Variants in ZBTB37 observed in about 807,000 individuals in gnomAD.
The protein encoded by ZBTB37 is zinc finger and BTB domain-containing protein 37.
ZBTB37 carries 15 observed loss-of-function variants against 37.7 expected under a neutral mutation model. The ratio of observed to expected loss-of-function variants is 0.40; its 90% CI spans 0.27 to 0.61. The LOEUF is 0.61. Among genes scored for constraint, ZBTB37 ranks in the 20% least tolerant of loss-of-function variants. ZBTB37 has a pLI of 0.44. For synonymous variants in ZBTB37, 231 were observed against 220.6 expected (o/e 1.05, Z -0.42); for missense variants, 514 against 641.9 (o/e 0.80, Z 2.15).
chr1:173,887,655 CT>C (rs750094411), downstream of ZBTB37: 4 of 152,162 alleles, frequency 2.6e-5, no homozygotes, highest in Non-Finnish European at 5.9e-5. Context: ...ATGCTTATAA[CT>C]TACAGTGCAA....
exon 4 of ZBTB37, chr1:173,894,126 T>G (rs924433936): frequency 6.6e-5 from 10 of 152,232 alleles, no homozygotes; most frequent in African/African-American, 2.2e-4. Flanking sequence ...GTGAATATTT[T>G]CAGTGGATAT....
chr1:173,873,316 G>A, intron 3 of ZBTB37, 151 bp from the exon 4 acceptor site: 1 of 675,688 alleles, frequency 1.5e-6, no homozygotes, highest in Non-Finnish European at 2.3e-6. Context: ...ATCAGATTAT[G>A]TATTAACTCC....
intron 4 of ZBTB37, among the ~76,000 whole-genome samples, chr1:173,877,739 A>G (rs1656063698): frequency 3.3e-5 from 5 of 152,144 alleles, no homozygotes. Context: ...ATAGGGTAAT[A>G]TATATGCCTT....
downstream of ZBTB37, chr1:173,890,930 G>C (rs371921687): frequency 6.6e-6 from 1 of 152,154 alleles, no homozygotes; most frequent in South Asian, 2.1e-4. Flanking sequence ...ACCTCCTAAA[G>C]TTGTTACTCA....
At chr1:173,873,366 C>T in intron 3 of ZBTB37, 101 bp from the exon 4 acceptor site, 2 of 1,246,822 alleles carry the variant, frequency 1.6e-6, no homozygotes, top group Non-Finnish European at 2.2e-6. Flanking sequence ...TGGTTTGTTC[C>T]CCCTTCCTCA....
exon 4 of ZBTB37, chr1:173,901,668 C>T (rs1265745725): frequency 6.6e-6 from 1 of 152,214 alleles, no homozygotes; most frequent in Non-Finnish European, 1.5e-5. Context: ...CCTAAAGTTA[C>T]AGGTGTGAGC....
In ZBTB37 at chr1:173,871,151, AGGTTT is replaced by A. The variant is rs760042560; in HGVS notation, c.923+19_923+23del. 6.3e-7 allele frequency: 1 copy of A among 1,586,228 alleles called. No individual in the cohort carries two copies. Among genetic ancestry groups the A allele is most frequent in the South Asian group, 1.1e-5 (1 of 88,216 alleles). On this transcript the variant is annotated splice_donor_5th_base_variant and intron_variant, in intron 3 of 4. Coordinates refer to ENST00000427304, the Ensembl canonical transcript of ZBTB37. ...CCAACAAGCAGTGAAGTTGACAGGTAGGTTTGGTTTGGTTTGGTTTTCCCATGTAA... is the reference window on the plus strand; with the variant it reads ...CCAACAAGCAGTGAAGTTGACAGGTAGGTTTGGTTTGGTTTTCCCATGTAA...
exon 4 of ZBTB37, chr1:173,896,185 A>G (rs1657036883): frequency 6.6e-6 from 1 of 152,250 alleles, no homozygotes; most frequent in South Asian, 2.1e-4. Context: ...GCTTTTAGGC[A>G]TAAAGATTAA....
chr1:173,881,799 A>G (rs1656325602), intron 4 of ZBTB37, among the ~76,000 whole-genome samples: 1 of 152,190 alleles, frequency 6.6e-6, no homozygotes. Flanking sequence ...TCACACCTGC[A>G]ATCCCAGCAC....
intron 4 of ZBTB37, among the ~76,000 whole-genome samples, chr1:173,881,374 T>A (rs2102741672): frequency 6.6e-6 from 1 of 152,368 alleles, no homozygotes; most frequent in East Asian, 1.9e-4. Flanking sequence ...TTGGATTGGT[T>A]CCAAGTCTTT....
exon 4 of ZBTB37, chr1:173,902,683 A>G (rs1657311944): frequency 6.6e-6 from 1 of 151,892 alleles, no homozygotes; most frequent in African/African-American, 2.4e-5. Flanking sequence ...TTAAGTGTAA[A>G]CCTCCACCTC....
chr1:173,899,103 A>G (rs1657162229), exon 4 of ZBTB37: 1 of 152,254 alleles, frequency 6.6e-6, no homozygotes, highest in African/African-American at 2.4e-5. Flanking sequence ...ACAAATAACA[A>G]CTGATACAGT....
intron 4 of ZBTB37, among the ~76,000 whole-genome samples, chr1:173,881,784 G>T (rs532176050): frequency 3.3e-4 from 51 of 152,268 alleles, no homozygotes; most frequent in Middle Eastern, 3.4e-3. Context: ...GCCGGGCGTG[G>T]TGGCTCACAC....
At chr1:173,898,103 TTC>T (rs1447803939) in exon 4 of ZBTB37, 1 of 152,172 alleles carries the variant, frequency 6.6e-6, no homozygotes, top group Non-Finnish European at 1.5e-5. Context: ...AATCCCCAAC[TTC>T]TTTTTTTTTG....
rs1657185611 is a variant in ZBTB37 at position 173,899,715 on chromosome 1, T to C, written c.*13591T>C. 5 of 152,338 alleles carry C rather than the reference T, an allele frequency of 3.3e-5. No homozygotes were observed. In the South Asian group the frequency reaches 1.0e-3, roughly 32 times the overall value. 9.4% of individuals were successfully genotyped at this position (152,338 alleles called of 1,614,324 possible). A position where few individuals can be genotyped will look rare whatever the true frequency, so the allele number is the denominator to read the frequency against. On this transcript the variant is annotated 3_prime_UTR_variant, in exon 4 of 4. Transcript: ENST00000367701. ...AGCCAAGGTTGAGAATCACTCCCTA[T>C]GTAATCCCTAGTGGTCATGGCAGGA...
At chr1:173,874,916 A>G (rs557000644) in intron 4 of ZBTB37, among the ~76,000 whole-genome samples, 1 of 152,086 alleles carries the variant, frequency 6.6e-6, no homozygotes, top group Admixed American at 6.6e-5. Flanking sequence ...TTTTTTTAAA[A>G]TTCTTGCTTG....
exon 5 of ZBTB37, chr1:173,886,070 A>G (rs16846520): frequency 0.14 from 219,501 of 1,551,660 alleles, 16,803 homozygotes; most frequent in South Asian, 0.17. Context: ...AGGAAGAGAC[A>G]GTTGCTCCTG....
At chr1:173,878,424 G>A (rs1656102424) in intron 4 of ZBTB37, among the ~76,000 whole-genome samples, 1 of 152,156 alleles carries the variant, frequency 6.6e-6, no homozygotes, top group Non-Finnish European at 1.5e-5. Flanking sequence ...CCAGGGAAAG[G>A]AGAAGGGAAG....
At chr1:173,890,418 GGTAC>G (rs1317432683), downstream of ZBTB37, 1 of 151,910 alleles carries the variant, frequency 6.6e-6, no homozygotes, top group African/African-American at 2.4e-5. Context: ...CTTTTTTTCA[GGTAC>G]AAGAGGCATG....
Sources: allele counts gnomAD v4.1 joint callset (sites outside exome capture counted in the v4.1 genomes callset), GRCh38; gene constraint gnomAD v4.1.1; transcripts MANE v1.5; gene names NCBI Gene and HGNC (gene_info 2026-07-23, HGNC 2026-07-21).